The following NDUFAF6 variants were observed in gnomAD, a reference collection of about 807,000 sequenced individuals.
The protein encoded by NDUFAF6 is NADH:ubiquinone oxidoreductase complex assembly factor 6, also known as NADH dehydrogenase (ubiquinone) complex I, assembly factor 6.
A neutral mutation model predicts 40.8 loss-of-function variants in NDUFAF6; 45 were observed. The observed-to-expected ratio is 1.10, with a 90% CI of 0.87 to 1.42. The LOEUF (loss-of-function observed/expected upper bound fraction) is 1.42. Ranked by LOEUF, NDUFAF6 falls within the 40% of genes most tolerant of loss-of-function variation. The pLI is 0.00. For missense variants in NDUFAF6, 435 were observed against 418.5 expected (o/e 1.04, Z -0.34); for synonymous variants, 185 against 155.9 (o/e 1.19, Z -1.39).
chr8:95,025,045 T>C lies in NDUFAF6; in HGVS notation c.37T>C (p.Leu13=), dbSNP rs779263891. 5 of 1,417,912 alleles carry C rather than the reference T, an allele frequency of 3.5e-6. No individual in the cohort carries two copies. The African/African-American group carries it at 4.5e-5, about 13-fold the overall frequency. The allele number at this position is 1,417,912 out of a possible 1,614,324, so 87.8% of individuals were successfully genotyped here. A position where few individuals can be genotyped will look rare whatever the true frequency, so the allele number is the denominator to read the frequency against. The change falls in exon 1 of 9, where the codon TTG becomes CTG. Residue 13 remains leucine, a synonymous_variant. Coordinates refer to ENST00000396124, the MANE Select transcript of NDUFAF6 (RefSeq NM_152416.4). ...CGCGCACGGCTCTGTCTGGGGGCCGTTGCGGCTTGGCATCCCCGGCCTGTG... is the reference window on the plus strand; with the variant it reads ...CGCGCACGGCTCTGTCTGGGGGCCGCTGCGGCTTGGCATCCCCGGCCTGTG... ...ASAHGSVWGP[L]RLGIPGLCCR... is the part of the protein sequence containing the mutation.
At chr8:94,940,562 TTACTA>T (rs1821435725) in intron 1 of NDUFAF6, among the ~76,000 whole-genome samples, 1 of 152,156 alleles carries the variant, frequency 6.6e-6, no homozygotes, top group Non-Finnish European at 1.5e-5. Flanking sequence ...GACATATTGG[TTACTA>T]CTTGTCTAAT....
intron 2 of NDUFAF6, among the ~76,000 whole-genome samples, chr8:95,034,331 CA>C (rs1256001255): frequency 6.6e-6 from 1 of 152,180 alleles, no homozygotes. Flanking sequence ...AGTACACTTA[CA>C]AAAAAATAAA....
At position 95,085,310 on chromosome 8, in the gene NDUFAF6, T is replaced by C. The variant is rs1267804068; in HGVS notation, n.213+9558T>C. 5.3e-5 allele frequency among the ~76,000 whole-genome samples: 8 copies of C among 152,216 alleles called. No homozygotes were observed. In the South Asian group the frequency reaches 1.2e-3, roughly 24 times the overall value. On this transcript the variant is annotated intron_variant and non_coding_transcript_variant, in intron 2 of 5. Transcript: ENST00000523184. ...AACTTTAACTACGGAAGAGGAATTG[T>C]GGGCTGTCTTCTCCTCCTCCCATGC... is the stretch of plus-strand genomic sequence containing the variant.
chr8:95,028,746 C>T (rs141487640), intron 1 of NDUFAF6, among the ~76,000 whole-genome samples: 4 of 152,182 alleles, frequency 2.6e-5, no homozygotes, highest in South Asian at 2.1e-4. Flanking sequence ...ATAACCAGTT[C>T]GGTGATGGAA....
At chr8:95,052,995 G>C (rs1178728406) in intron 8 of NDUFAF6, among the ~76,000 whole-genome samples, 1 of 152,052 alleles carries the variant, frequency 6.6e-6, no homozygotes, top group Non-Finnish European at 1.5e-5. Flanking sequence ...TCATTTTATA[G>C]ATAGAAACGA....
intron 2 of NDUFAF6, among the ~76,000 whole-genome samples, chr8:95,084,520 T>C (rs1426393797): frequency 6.6e-6 from 1 of 152,204 alleles, no homozygotes; most frequent in East Asian, 1.9e-4. Flanking sequence ...GCATCCTTAG[T>C]CTCTCCTTGG....
At chr8:95,060,505 A>G (rs1261736704), downstream of NDUFAF6, among the ~76,000 whole-genome samples, 1 of 152,228 alleles carries the variant, frequency 6.6e-6, no homozygotes, top group Non-Finnish European at 1.5e-5. Context: ...CCTTTTGATG[A>G]AATTGAATTC....
intron 4 of NDUFAF6, among the ~76,000 whole-genome samples, chr8:95,114,202 G>C (rs889216237): frequency 3.3e-5 from 5 of 152,024 alleles, no homozygotes; most frequent in African/African-American, 1.2e-4. Context: ...TGTCTTTAAA[G>C]GGAGAAGGGC....
intron 1 of NDUFAF6, among the ~76,000 whole-genome samples, chr8:94,933,786 A>G (rs1302951094): frequency 1.6e-5 from 2 of 127,864 alleles, no homozygotes; most frequent in African/African-American, 2.8e-5. Context: ...AAAAAAACCA[A>G]CTATACATCT....
upstream of NDUFAF6, among the ~76,000 whole-genome samples, chr8:94,956,479 A>G (rs1460471537): frequency 6.6e-6 from 1 of 152,178 alleles, no homozygotes; most frequent in Admixed American, 6.5e-5. Flanking sequence ...GCAGTGAGGG[A>G]AAGAGACTGG....
intron 5 of NDUFAF6, 74 bp downstream of exon 5, chr8:95,045,721 G>T: frequency 8.0e-7 from 1 of 1,249,160 alleles, no homozygotes. Context: ...TCATAATTTG[G>T]TAATCTAACC....
chr8:95,109,149 A>C (rs1254833997), intron 4 of NDUFAF6, among the ~76,000 whole-genome samples: 3 of 152,216 alleles, frequency 2.0e-5, no homozygotes, highest in Non-Finnish European at 4.4e-5. Context: ...CAAACACCTC[A>C]GACTAAATCC....
chr8:95,066,333 T>C (rs1452226581), intron 9 of NDUFAF6, among the ~76,000 whole-genome samples: 2 of 146,894 alleles, frequency 1.4e-5, no homozygotes, highest in East Asian at 4.0e-4. Flanking sequence ...CTCACTATGT[T>C]GCCTGGGCTG....
At chr8:95,052,646 C>G (rs536990650) in intron 8 of NDUFAF6, among the ~76,000 whole-genome samples, 16 of 152,142 alleles carry the variant, frequency 1.1e-4, no homozygotes, top group African/African-American at 3.1e-4. Flanking sequence ...GTGACCTGAC[C>G]GTATTGTAGC....
At chr8:95,073,232 G>A (rs376639935) in intron 9 of NDUFAF6, 9 of 152,358 alleles carry the variant, frequency 5.9e-5, no homozygotes, top group East Asian at 1.9e-4. Context: ...GGTCCCCTAG[G>A]TTCTCGCCCT....
chr8:95,031,266 C>G (rs1828804515), intron 1 of NDUFAF6, among the ~76,000 whole-genome samples: 1 of 152,178 alleles, frequency 6.6e-6, no homozygotes, highest in African/African-American at 2.4e-5. Flanking sequence ...TAGGCTCTTT[C>G]AGCAGGTGCT....
chr8:95,033,681 A>G (rs1829133140), intron 2 of NDUFAF6, among the ~76,000 whole-genome samples: 1 of 152,166 alleles, frequency 6.6e-6, no homozygotes, highest in South Asian at 2.1e-4. Flanking sequence ...TGGTTAGGAG[A>G]AACCTCACGG....
intron 2 of NDUFAF6, among the ~76,000 whole-genome samples, chr8:95,088,787 G>T (rs960586193): frequency 1.3e-5 from 2 of 150,738 alleles, no homozygotes; most frequent in Admixed American, 1.3e-4. Context: ...TTGAGACAGC[G>T]TCTCACTTTG....
At chr8:95,010,564 C>T (rs1253340674) in intron 2 of NDUFAF6, among the ~76,000 whole-genome samples, 3 of 151,888 alleles carry the variant, frequency 2.0e-5, no homozygotes, top group African/African-American at 7.3e-5. Context: ...TCTTTAAGAG[C>T]AAAAAAGAAA....
Sources: allele counts gnomAD v4.1 joint callset (sites outside exome capture counted in the v4.1 genomes callset), GRCh38; gene constraint gnomAD v4.1.1; transcripts MANE v1.5; gene names NCBI Gene and HGNC (gene_info 2026-07-23, HGNC 2026-07-21).